Variants in ABCA13 observed in about 807,000 individuals in gnomAD.
The protein encoded by ABCA13 is ATP-binding cassette sub-family A member 13.
ABCA13 carries 476 observed loss-of-function variants against 478.7 expected under a neutral mutation model. The ratio of observed to expected loss-of-function variants is 0.99; its 90% CI spans 0.92 to 1.07. ABCA13 has a LOEUF of 1.07. ABCA13 is among the 50% of genes least tolerant of loss of function. The probability of loss-of-function intolerance (pLI) is 0.00; values close to 1 mark genes in which losing one functional copy is unlikely to be tolerated. For missense variants in ABCA13, 6,060 were observed against 5,910.6 expected, an observed-to-expected ratio of 1.03 and a Z score of -0.83; for synonymous variants, 2,252 against 2,158.9, an observed-to-expected ratio of 1.04 and a Z score of -1.20.
Position 48,448,060 on chromosome 7 carries a change from C to A in ABCA13, c.12566-6977C>A, listed in dbSNP as rs112194187. Among the ~76,000 whole-genome samples, 371 of 152,308 alleles carry A rather than the reference C, an allele frequency of 2.4e-3. 3 individuals are homozygous for A. Among genetic ancestry groups the A allele is most frequent in the African/African-American group, 8.7e-3 (360 of 41,562 alleles). ...TCATCACTAACTTTTCCAAGAGGAG[C>A]TGTCTGAGCCAGACTTCCAATGGGC... On this transcript the variant is annotated intron_variant, in intron 42 of 61. Coordinates refer to ENST00000435803, the MANE Select transcript of ABCA13 (RefSeq NM_152701.5).
In ABCA13 at chr7:48,506,380, G is replaced by A. The variant is rs6583448; in HGVS notation, c.13336G>A (p.Glu4446Lys). 40 of 1,613,746 alleles carry A rather than the reference G, an allele frequency of 2.5e-5. No individual in the cohort carries two copies. The highest frequency in any genetic ancestry group is 3.1e-5 in the Non-Finnish European group (36 of 1,179,694). Residue 4446 changes from glutamate to lysine, a missense_variant, in exon 49 of 62, where the codon GAG becomes AAG. By Grantham distance (56) the Glu-to-Lys change is moderately conservative. Transcript: ENST00000435803. Reference sequence around the variant, plus strand: ...CCCATATGGAGGGGCCTTGCTGAACGAGGACAAGATGTGAGTTGATGGAAT... The same window carrying A: ...CCCATATGGAGGGGCCTTGCTGAACAAGGACAAGATGTGAGTTGATGGAAT... ...SHPYGGALLN[E>K]DKILESIRQC... is the part of the protein sequence containing the mutation.
chr7:48,493,008 C>T (rs968101893), intron 48 of ABCA13, among the ~76,000 whole-genome samples: 43 of 151,814 alleles, frequency 2.8e-4, no homozygotes, highest in African/African-American at 9.2e-4. Context: ...GTGACAGTCT[C>T]AATAAATAAA....
intron 1 of ABCA13, among the ~76,000 whole-genome samples, chr7:48,190,453 C>T (rs1012200808): frequency 8.5e-5 from 13 of 152,062 alleles, no homozygotes; most frequent in African/African-American, 2.9e-4. Flanking sequence ...TGGCCTTTAC[C>T]TTTTCAAGAA....
At chr7:48,402,493 G>A (rs577410830) in intron 38 of ABCA13, among the ~76,000 whole-genome samples, 1 of 152,302 alleles carries the variant, frequency 6.6e-6, no homozygotes, top group East Asian at 1.9e-4. Context: ...AAAAACAGGA[G>A]CATAAATTAT....
chr7:48,206,780 TTGTGTGAG>T (rs948687035), intron 3 of ABCA13, among the ~76,000 whole-genome samples: 2 of 144,436 alleles, frequency 1.4e-5, no homozygotes, highest in African/African-American at 5.4e-5. Context: ...TATAAATCAT[TTGTGTGAG>T]TGTGTGTGTG....
At chr7:48,285,957 C>T (rs1409090205) in intron 19 of ABCA13, among the ~76,000 whole-genome samples, 2 of 152,138 alleles carry the variant, frequency 1.3e-5, no homozygotes, top group African/African-American at 4.8e-5. Context: ...AGGTGGGTTG[C>T]TTCTGGAAAG....
At position 48,394,203 on chromosome 7, in the gene ABCA13, A is replaced by G. The variant is rs188139973; in HGVS notation, c.11873+2064A>G. Among the ~76,000 whole-genome samples the G allele has an allele frequency of 2.8e-4, 43 of 152,052 alleles. No individual in the cohort carries two copies. In the East Asian group the frequency reaches 5.0e-3, roughly 18 times the overall value. ...TTGTGTAATTTACATTCTTGTGCCT[A>G]TTGTCTCAGATTTATTATGAGTGCC... On this transcript the variant is annotated intron_variant, in intron 38 of 61. Transcript: ENST00000435803.
At position 48,276,226 on chromosome 7, in the gene ABCA13, C is replaced by T. The variant is rs1476793246; in HGVS notation, c.6560C>T (p.Thr2187Ile). Residue 2187 changes from threonine (T) to isoleucine (I), a missense_variant, in exon 17 of 62, where the codon ACC becomes ATC. Physicochemically the swap from Thr to Ile is moderately conservative, Grantham distance 89 (BLOSUM62 -1). Transcript: ENST00000435803. ...GGCAATTTTGATGTTGCCTTTCTTACCCATCTGCTAAATCAAGAACAGCTG... is the reference window on the plus strand; with the variant it reads ...GGCAATTTTGATGTTGCCTTTCTTATCCATCTGCTAAATCAAGAACAGCTG... ...RAGNFDVAFL[T>I]HLLNQEQLTN... 1 of 1,578,388 alleles carries T rather than the reference C, an allele frequency of 6.3e-7. No homozygotes were observed. The highest frequency in any genetic ancestry group is 8.6e-7 in the Non-Finnish European group (1 of 1,161,018).
At chr7:48,590,744 G>C (rs771807305) in intron 57 of ABCA13, among the ~76,000 whole-genome samples, 1 of 151,996 alleles carries the variant, frequency 6.6e-6, no homozygotes, top group Admixed American at 6.6e-5. Context: ...TAATAATGTC[G>C]AACATCTTTT....
chr7:48,276,313 T>C lies in ABCA13; in HGVS notation c.6647T>C (p.Leu2216Ser), dbSNP rs1161463082. 6.4e-7 allele frequency: 1 copy of C among 1,553,956 alleles called. No individual in the cohort carries two copies. Among genetic ancestry groups the C allele is most frequent in the Admixed American group, 2.0e-5 (1 of 49,790 alleles). ...ENILINLINN[L>S]AGNSQEAAWN... Reference sequence around the variant, plus strand: ...ATCCTAATTAATTTGATCAATAACTTAGCTGGGAATTCTCAGGAAGCAGCT... The same window carrying C: ...ATCCTAATTAATTTGATCAATAACTCAGCTGGGAATTCTCAGGAAGCAGCT... The change falls in exon 17 of 62, where the codon TTA (leucine) becomes TCA (serine). Residue 2216 changes from leucine to serine, a missense_variant. Leu to Ser is a moderately radical substitution (Grantham distance 145). Coordinates refer to ENST00000435803, the MANE Select transcript of ABCA13 (RefSeq NM_152701.5).
intron 14 of ABCA13, 146 bp downstream of exon 14, chr7:48,248,590 C>T: frequency 3.0e-6 from 2 of 673,376 alleles, no homozygotes; most frequent in Non-Finnish European, 4.6e-6. Flanking sequence ...TATTAACCTA[C>T]TGGTACTGTT....
At chr7:48,558,326 T>C (rs1786082662) in intron 55 of ABCA13, among the ~76,000 whole-genome samples, 2 of 150,376 alleles carry the variant, frequency 1.3e-5, no homozygotes, top group African/African-American at 4.9e-5. Flanking sequence ...GCTCACTGCC[T>C]CACCCTGTCA....
In ABCA13 at chr7:48,387,882, T is replaced by C. The variant is rs762283619; in HGVS notation, c.11396T>C (p.Val3799Ala). 6 of 1,612,774 alleles carry C rather than the reference T, an allele frequency of 3.7e-6. No homozygotes were observed. In the African/African-American group the frequency reaches 8.0e-5, roughly 22 times the overall value. Residue 3799 changes from valine to alanine, a missense_variant, in exon 36 of 62, where the codon GTG (valine) becomes GCG (alanine). Val to Ala is a moderately conservative substitution (Grantham distance 64). This residue lies in a region of ABCA13 where 1,627 missense variants were observed against 1,571.0 expected (regional missense o/e 1.04). Coordinates refer to ENST00000435803, the MANE Select transcript of ABCA13 (RefSeq NM_152701.5). ...FPFTASYWKS[V>A]GFLVEKRQYF... ...TTTACTGCCTCATATTGGAAGAGTG[T>C]GGGTTTCTTGGTGGAGAAAAGGCAA...
chr7:48,334,123 G>A (rs1805835652), intron 27 of ABCA13, among the ~76,000 whole-genome samples: 1 of 152,212 alleles, frequency 6.6e-6, no homozygotes, highest in Middle Eastern at 3.4e-3. Flanking sequence ...TAATGTGTGT[G>A]TACGTGTGTG....
intron 55 of ABCA13, among the ~76,000 whole-genome samples, chr7:48,574,503 T>G (rs545001124): frequency 4.6e-4 from 70 of 152,238 alleles, no homozygotes; most frequent in African/African-American, 1.7e-3. Flanking sequence ...GTGTCTTGAT[T>G]TCCCTCTTCA....
intron 23 of ABCA13, 33 bp from the exon 24 acceptor site, chr7:48,309,914 A>G (rs1418180247): frequency 2.5e-6 from 4 of 1,612,062 alleles, no homozygotes; most frequent in African/African-American, 1.3e-5. Flanking sequence ...CGTCATAGGT[A>G]TACTCACCTC....
At chr7:48,434,084 T>C (rs1245456962) in intron 42 of ABCA13, among the ~76,000 whole-genome samples, 1 of 151,906 alleles carries the variant, frequency 6.6e-6, no homozygotes, top group East Asian at 1.9e-4. Context: ...TTTTGAGAAA[T>C]TGCTGTATCA....
chr7:48,310,248 G>T (rs1429478949), intron 24 of ABCA13, 107 bp downstream of exon 24: 1 of 1,248,726 alleles, frequency 8.0e-7, no homozygotes, highest in Non-Finnish European at 1.1e-6. Flanking sequence ...ATCAGCACCT[G>T]GCCACTCTGC....
In ABCA13 at chr7:48,295,849, G is replaced by A. The variant is rs1428361470; in HGVS notation, c.9105G>A (p.Gln3035=). 1.9e-6 allele frequency: 3 copies of A among 1,612,138 alleles called. No homozygotes were observed. Among genetic ancestry groups the A allele is most frequent in the Middle Eastern group, 3.3e-4 (2 of 6,054 alleles). ...GCCAGCCGAGGCTGGAGACGGTGCA[G>A]CAGCACTTGTACATGTATGCTCTGA... is the stretch of plus-strand genomic sequence containing the variant. ...CTSQPRLETV[Q]QHLYMLAKSL... The change falls in exon 21 of 62, where the codon CAG becomes CAA. Residue 3035 remains glutamine (Q), a synonymous_variant. Coordinates refer to ENST00000435803, the MANE Select transcript of ABCA13 (RefSeq NM_152701.5).
Sources: allele counts gnomAD v4.1 joint callset (sites outside exome capture counted in the v4.1 genomes callset), GRCh38; gene constraint gnomAD v4.1.1; regional missense constraint gnomAD v4.1.1; transcripts MANE v1.5; gene names NCBI Gene and HGNC (gene_info 2026-07-23, HGNC 2026-07-21).